CDK12: variants seen among roughly 807,000 people sequenced by gnomAD.
CDK12 encodes the protein cyclin-dependent kinase 12.
CDK12 carries 17 observed loss-of-function variants against 133.8 expected under a neutral mutation model. The observed-to-expected ratio is 0.13, with a 90% CI of 0.09 to 0.19. The LOEUF (loss-of-function observed/expected upper bound fraction) is 0.19, where lower values mean the gene tolerates loss of function less well. Among genes scored for constraint, CDK12 ranks in the 10% least tolerant of loss-of-function variants. CDK12 has a pLI of 1.00. For synonymous variants in CDK12, 694 were observed against 683.6 expected, an observed-to-expected ratio of 1.02 and a Z score of -0.24; for missense variants, 1,508 against 1,818.7, an observed-to-expected ratio of 0.83 and a Z score of 3.11.
At chr17:39,516,660 CTTTT>C (rs900007701) in intron 9 of CDK12, among the ~76,000 whole-genome samples, 1 of 116,026 alleles carries the variant, frequency 8.6e-6, no homozygotes. Context: ...CTAATGCAGA[CTTTT>C]TTTTTTTTTT....
At chr17:39,476,961 G>A (rs1321577431) in intron 2 of CDK12, among the ~76,000 whole-genome samples, 3 of 151,210 alleles carry the variant, frequency 2.0e-5, no homozygotes, top group Non-Finnish European at 4.4e-5. Context: ...TGATCCACCT[G>A]CCTCGGGCTT....
exon 3 of CDK12, chr17:39,556,331 A>G (rs2056162072): frequency 6.6e-6 from 1 of 152,312 alleles, no homozygotes; most frequent in Non-Finnish European, 1.5e-5. Flanking sequence ...CTCGGTCACC[A>G]CCCTGACCCT....
intron 6 of CDK12, among the ~76,000 whole-genome samples, chr17:39,501,866 T>C (rs1257234159): frequency 1.3e-5 from 2 of 151,698 alleles, no homozygotes; most frequent in Non-Finnish European, 2.9e-5. Flanking sequence ...TTTTTGAAGA[T>C]GGAATTTCGC....
intron 1 of CDK12, among the ~76,000 whole-genome samples, chr17:39,465,354 T>C (rs1406381671): frequency 6.6e-6 from 1 of 151,552 alleles, no homozygotes; most frequent in Non-Finnish European, 1.5e-5. Context: ...GACATCAGTA[T>C]ACTTCATTCT....
At chr17:39,498,515 G>T (rs2052321776) in intron 5 of CDK12, among the ~76,000 whole-genome samples, 2 of 152,000 alleles carry the variant, frequency 1.3e-5, no homozygotes, top group African/African-American at 4.8e-5. Context: ...GAGCCGCCGC[G>T]CCCGGCCATC....
At chr17:39,505,707 C>T (rs1400689201) in intron 6 of CDK12, among the ~76,000 whole-genome samples, 1 of 152,090 alleles carries the variant, frequency 6.6e-6, no homozygotes, top group African/African-American at 2.4e-5. Flanking sequence ...TGTGGCATGT[C>T]CACTTATACA....
At chr17:39,506,842 TAAAC>T (rs1490016004) in intron 6 of CDK12, among the ~76,000 whole-genome samples, 12 of 152,190 alleles carry the variant, frequency 7.9e-5, no homozygotes, top group Admixed American at 6.5e-4. Context: ...AGACAGGACA[TAAAC>T]AATATGATGG....
intron 11 of CDK12, among the ~76,000 whole-genome samples, chr17:39,520,801 C>T (rs7406928): frequency 0.63 from 95,931 of 152,052 alleles, 32,987 homozygotes; most frequent in South Asian, 0.89. Context: ...GCTAGGATTA[C>T]AGGTGCCTGC....
intron 6 of CDK12, 32 bp from the exon 7 acceptor site, chr17:39,509,673 G>C: frequency 6.4e-7 from 1 of 1,565,380 alleles, no homozygotes; most frequent in Non-Finnish European, 8.8e-7. Flanking sequence ...CACTGCTATG[G>C]CTTATGAAAA....
Position 39,530,790 on chromosome 17 carries a change from T to G in CDK12, c.3947T>G (p.Leu1316Arg), listed in dbSNP as rs1405788775. Residue 1316 changes from leucine to arginine, a missense_variant, in exon 14 of 14, where the codon CTG (leucine) becomes CGG (arginine). By Grantham distance (102) the Leu-to-Arg change is moderately radical (BLOSUM62 -2). Around this residue, in one of 9 missense-constraint regions of CDK12, gnomAD observed 399 missense variants for 469.6 expected, o/e 0.85. Coordinates refer to ENST00000447079, the MANE Select transcript of CDK12 (RefSeq NM_016507.4). ...SQPEAEPPGH[L>R]PHEHQALRPM... ...CCTGAAGCAGAGCCTCCTGGCCACC[T>G]GCCACATGAGCACCAGGCCTTGAGA... The G allele has an allele frequency of 1.2e-6, 2 of 1,614,148 alleles. No individual in the cohort carries two copies. The highest frequency in any genetic ancestry group is 1.7e-6 in the Non-Finnish European group (2 of 1,180,016).
chr17:39,477,403 T>G (rs1378423944), intron 2 of CDK12, among the ~76,000 whole-genome samples: 1 of 146,364 alleles, frequency 6.8e-6, no homozygotes, highest in Non-Finnish European at 1.5e-5. Flanking sequence ...GCCCAGCTCA[T>G]TTTTTTGTAT....
chr17:39,468,806 A>T (rs146319973), intron 1 of CDK12, among the ~76,000 whole-genome samples: 12,425 of 150,242 alleles, frequency 0.083, 656 homozygotes, highest in Admixed American at 0.12. Flanking sequence ...TTAATTAATT[A>T]ATTTATTTAT....
chr17:39,476,746 A>T (rs1315455723), intron 2 of CDK12, among the ~76,000 whole-genome samples: 2 of 5,826 alleles, frequency 3.4e-4, no homozygotes, highest in Non-Finnish European at 5.1e-4. Context: ...TTTTTGAGAC[A>T]GAGTTCTGCT....
At chr17:39,544,726 G>C (rs4474724), upstream of CDK12, among the ~76,000 whole-genome samples, 491 of 150,562 alleles carry the variant, frequency 3.3e-3, 4 homozygotes, top group African/African-American at 0.012. Flanking sequence ...GCCTCCCGGG[G>C]TTCAAGCGAT....
At chr17:39,536,286 G>GT (rs2055132223), downstream of CDK12, among the ~76,000 whole-genome samples, 1 of 152,156 alleles carries the variant, frequency 6.6e-6, no homozygotes, top group Non-Finnish European at 1.5e-5. Flanking sequence ...GGTATTTAGA[G>GT]TTACTGCTAT....
chr17:39,496,817 A>G (rs1376027372), intron 5 of CDK12, among the ~76,000 whole-genome samples: 1 of 151,590 alleles, frequency 6.6e-6, no homozygotes, highest in African/African-American at 2.4e-5. Flanking sequence ...ATTTGGTCAA[A>G]TGGATTTTCA....
At chr17:39,487,961 A>C (rs2051275054) in intron 2 of CDK12, among the ~76,000 whole-genome samples, 3 of 152,222 alleles carry the variant, frequency 2.0e-5, no homozygotes, top group South Asian at 4.1e-4. Flanking sequence ...TGAGATAGGC[A>C]AAAAATTGTA....
rs1223702243 is a variant in CDK12 at position 39,531,396 on chromosome 17, T to C, written c.*80T>C. ...TTCTCTGAATCTTTAATGAAATCATTTGCCAGAGCGAGGTAATCATCTGCA... is the reference window on the plus strand; with the variant it reads ...TTCTCTGAATCTTTAATGAAATCATCTGCCAGAGCGAGGTAATCATCTGCA... On this transcript the variant is annotated 3_prime_UTR_variant, in exon 14 of 14. Coordinates refer to ENST00000447079, the MANE Select transcript of CDK12 (RefSeq NM_016507.4). The C allele has an allele frequency of 7.7e-7, 1 of 1,299,692 alleles. No individual in the cohort carries two copies. Among genetic ancestry groups the C allele is most frequent in the Non-Finnish European group, 9.9e-7 (1 of 1,006,322 alleles). The allele number at this position is 1,299,692 out of a possible 1,614,324, so 80.5% of individuals were successfully genotyped here.
intron 2 of CDK12, among the ~76,000 whole-genome samples, chr17:39,490,016 CAAGT>C (rs2051458080): frequency 6.6e-6 from 1 of 151,574 alleles, no homozygotes; most frequent in Non-Finnish European, 1.5e-5. Flanking sequence ...AAGGGAACTG[CAAGT>C]AATATCACAA....
Sources: allele counts gnomAD v4.1 joint callset (sites outside exome capture counted in the v4.1 genomes callset), GRCh38; gene constraint gnomAD v4.1.1; regional missense constraint gnomAD v4.1.1; transcripts MANE v1.5; gene names NCBI Gene and HGNC (gene_info 2026-07-23, HGNC 2026-07-21).